Variants in DOP1B observed in about 807,000 individuals in gnomAD.
DOP1B encodes the protein DOP1 leucine zipper like protein B.
A neutral mutation model predicts 233.5 loss-of-function variants in DOP1B; 174 were observed. The ratio of observed to expected loss-of-function variants is 0.75; its 90% confidence interval spans 0.66 to 0.85. The LOEUF is 0.85. Ranked by LOEUF, DOP1B falls within the 40% of genes least tolerant of loss-of-function variation. DOP1B has a pLI of 0.00. For synonymous variants in DOP1B, 1,190 were observed against 1,185.6 expected (o/e 1.00, Z -0.08); for missense variants, 2,652 against 2,846.6 (o/e 0.93, Z 1.56).
In DOP1B at chr21:36,211,622, C is replaced by G. The variant is rs2066499631; in HGVS notation, c.751C>G (p.Leu251Val). The change falls in exon 6 of 37, where the codon CTG becomes GTG. Residue 251 changes from leucine (L) to valine (V), a missense_variant. By Grantham distance (32) the Leu-to-Val change is conservative. Transcript: ENST00000691173. ...GCAAAGAAATAATCTGGAAATCGTT[C>G]TGTTTTTCTTCCCATTTTATACCTG... ...LVQRNNLEIV[L>V]FFFPFYTCLD... 6.2e-7 allele frequency: 1 copy of G among 1,614,112 alleles called. No individual in the cohort carries two copies. Among genetic ancestry groups the G allele is most frequent in the Non-Finnish European group, 8.5e-7 (1 of 1,179,982 alleles).
At chr21:36,181,011 CAGGT>C (rs1445328488) in intron 2 of DOP1B, among the ~76,000 whole-genome samples, 1 of 152,132 alleles carries the variant, frequency 6.6e-6, no homozygotes, top group East Asian at 1.9e-4. Flanking sequence ...TTATTTTCCT[CAGGT>C]AGACAGGTAT....
chr21:36,160,939 C>T (rs758198914), intron 1 of DOP1B, among the ~76,000 whole-genome samples: 15 of 152,134 alleles, frequency 9.9e-5, no homozygotes, highest in Admixed American at 5.9e-4. Flanking sequence ...GCCCACACTG[C>T]GGTGTGGCGA....
chr21:36,222,478 C>T (rs186073449), intron 10 of DOP1B, among the ~76,000 whole-genome samples: 49 of 150,736 alleles, frequency 3.3e-4, no homozygotes, highest in African/African-American at 1.1e-3. Flanking sequence ...CCTAGCTACT[C>T]GGGAGGCTGA....
rs377014857 is a variant in DOP1B, at chr21:36,289,222, T to C, written c.6515+16T>C. On this transcript the variant is annotated intron_variant, in intron 35 of 36. Transcript: ENST00000691173. ...TATTTCAAATGTAAGTCAGATAGGATCGTGTGTCCTTTTTGAAGTAAGAGA... is the reference window on the plus strand; with the variant it reads ...TATTTCAAATGTAAGTCAGATAGGACCGTGTGTCCTTTTTGAAGTAAGAGA... 22 of 1,603,498 alleles carry C rather than the reference T, an allele frequency of 1.4e-5. No homozygotes were observed. The African/African-American group carries it at 2.4e-4, about 18-fold the overall frequency.
rs778099707 is a variant in DOP1B, at chr21:36,225,552, C to A, written c.1371-13C>A. On this transcript the variant is annotated splice_polypyrimidine_tract_variant and intron_variant, in intron 11 of 36. Coordinates refer to ENST00000691173, the MANE Select transcript of DOP1B (RefSeq NM_001320714.2). The stretch of plus-strand genomic sequence containing the variant: ...GGCCAAAGAATGGATTTTTTCTTTG[C>A]TGTGATTTATAGACCAGTGAAGCAG... 58 of 1,613,642 alleles carry A rather than the reference C, an allele frequency of 3.6e-5. No homozygotes were observed. The highest frequency in any genetic ancestry group is 1.1e-4 in the South Asian group (10 of 91,068).
intron 32 of DOP1B, among the ~76,000 whole-genome samples, chr21:36,287,268 G>A (rs755540875): frequency 1.2e-4 from 19 of 152,068 alleles, no homozygotes; most frequent in Non-Finnish European, 2.2e-4. Flanking sequence ...TACTTGCTCC[G>A]CTTCCCACCC....
intron 1 of DOP1B, among the ~76,000 whole-genome samples, chr21:36,159,822 C>A (rs991691251): frequency 6.6e-6 from 1 of 152,320 alleles, no homozygotes; most frequent in East Asian, 1.9e-4. Context: ...ACTCCTCTGC[C>A]GGTGGCTGAG....
At position 36,267,667 on chromosome 21, in the gene DOP1B, T is replaced by C. The variant is rs141772915; in HGVS notation, c.5488-2346T>C. On this transcript the variant is annotated intron_variant, in intron 26 of 36. Coordinates refer to ENST00000691173, the MANE Select transcript of DOP1B (RefSeq NM_001320714.2). ...TTGAGATGGAGTCTTGCTCTGTTATTGGGGGAACTCACCCCCAGTATTTCA... is the reference window on the plus strand; with the variant it reads ...TTGAGATGGAGTCTTGCTCTGTTATCGGGGGAACTCACCCCCAGTATTTCA... Among the ~76,000 whole-genome samples, 1,046 of 148,568 alleles carry C rather than the reference T, an allele frequency of 7.0e-3. 14 individuals carry two copies. The highest frequency in any genetic ancestry group is 0.025 in the African/African-American group (978 of 39,890).
intron 22 of DOP1B, among the ~76,000 whole-genome samples, chr21:36,251,880 A>T (rs1385545439): frequency 6.6e-6 from 1 of 151,894 alleles, no homozygotes; most frequent in Non-Finnish European, 1.5e-5. Flanking sequence ...TCTAAAATAC[A>T]TATAAGAGTA....
At chr21:36,234,305 A>C (rs938512289) in intron 15 of DOP1B, among the ~76,000 whole-genome samples, 1 of 152,188 alleles carries the variant, frequency 6.6e-6, no homozygotes, top group Admixed American at 6.5e-5. Flanking sequence ...TAGATCAGAG[A>C]TCAGAAAATT....
rs768555801 is a variant in DOP1B, at chr21:36,245,847, C to T, written c.3867C>T (p.Leu1289=). ...SNLLARHQEA[L]IGQSFYGKLQ... ...TCCTCGCTCGCCACCAGGAGGCCCTCATTGGCCAGAGTTTCTACGGAAAGC... is the reference window on the plus strand; with the variant it reads ...TCCTCGCTCGCCACCAGGAGGCCCTTATTGGCCAGAGTTTCTACGGAAAGC... The change falls in exon 19 of 37, where the codon CTC becomes CTT. Residue 1289 remains leucine, a synonymous_variant. Coordinates refer to ENST00000691173, the MANE Select transcript of DOP1B (RefSeq NM_001320714.2). This position sits in a 1 kb window ranked among gnomAD's most constrained non-coding sequence, Gnocchi z 5.5. The T allele has an allele frequency of 1.2e-5, 19 of 1,613,818 alleles. No individual in the cohort carries two copies. The highest frequency in any genetic ancestry group is 1.6e-5 in the Non-Finnish European group (19 of 1,180,032).
At chr21:36,288,901 C>G in intron 34 of DOP1B, 90 bp downstream of exon 34, 1 of 1,449,956 alleles carries the variant, frequency 6.9e-7, no homozygotes, top group Non-Finnish European at 9.5e-7. Context: ...ATGTTAAATG[C>G]TGTTATCTTG....
At position 36,166,161 on chromosome 21, in the gene DOP1B, T is replaced by A. The variant is rs1287615143; in HGVS notation, c.138+1290T>A. Among the ~76,000 whole-genome samples the A allele has an allele frequency of 2.0e-5, 3 of 151,118 alleles. No individual in the cohort carries two copies. In the East Asian group the frequency reaches 6.0e-4, roughly 30 times the overall value. Reference sequence around the variant, plus strand: ...AAATTGTCTTCCACGTGGCCAGACGTGGTGGCTCACACCTGTAATCCCAGC... The same window carrying A: ...AAATTGTCTTCCACGTGGCCAGACGAGGTGGCTCACACCTGTAATCCCAGC... On this transcript the variant is annotated intron_variant, in intron 2 of 36. Transcript: ENST00000691173.
rs776253034 is a variant in DOP1B, at chr21:36,260,736, A to C, written c.5315+4A>C. ...TTTGCTATGCTTTTCTCCAAAGGTA[A>C]TACAGTCCCCCGTCCTCCAAAAACT... On this transcript the variant is annotated splice_donor_region_variant and intron_variant, in intron 24 of 36. Transcript: ENST00000691173. 12 of 1,613,996 alleles carry C rather than the reference A, an allele frequency of 7.4e-6. No individual in the cohort carries two copies. The highest frequency in any genetic ancestry group is 9.3e-6 in the Non-Finnish European group (11 of 1,179,992).
At chr21:36,282,488 G>A (rs1013085964) in intron 32 of DOP1B, among the ~76,000 whole-genome samples, 3 of 152,144 alleles carry the variant, frequency 2.0e-5, no homozygotes, top group African/African-American at 7.2e-5. Context: ...TCTGACCACA[G>A]TATAGGAATA....
intron 2 of DOP1B, among the ~76,000 whole-genome samples, chr21:36,198,422 G>A (rs1168010655): frequency 2.7e-5 from 4 of 149,094 alleles, no homozygotes; most frequent in Non-Finnish European, 4.4e-5. Flanking sequence ...GAGCAAGACT[G>A]CATCTCACAA....
chr21:36,264,154 C>T (rs527795495), intron 26 of DOP1B, among the ~76,000 whole-genome samples: 29 of 152,292 alleles, frequency 1.9e-4, no homozygotes, highest in Middle Eastern at 3.4e-3. Context: ...GACGCGGTGG[C>T]GCATACTTGT....
At chr21:36,198,934 C>A in intron 2 of DOP1B, 136 bp from the exon 3 acceptor site, 1 of 888,048 alleles carries the variant, frequency 1.1e-6, no homozygotes, top group Non-Finnish European at 1.7e-6. Flanking sequence ...AGTCCCTCTG[C>A]CCCTTTGTTG....
intron 23 of DOP1B, among the ~76,000 whole-genome samples, chr21:36,254,115 C>T (rs2067065235): frequency 6.6e-6 from 1 of 152,132 alleles, no homozygotes; most frequent in East Asian, 1.9e-4. Flanking sequence ...AAGTTGGGAA[C>T]TGCCTGAGGT....
Sources: allele counts gnomAD v4.1 joint callset (sites outside exome capture counted in the v4.1 genomes callset), GRCh38; gene constraint gnomAD v4.1.1; non-coding constraint Gnocchi (gnomAD v3.1); transcripts MANE v1.5; gene names NCBI Gene and HGNC (gene_info 2026-07-23, HGNC 2026-07-21).